ELMOD1: variants seen among roughly 807,000 people sequenced by gnomAD.
ELMOD1 encodes the protein ELMO domain-containing protein 1.
ELMOD1 carries 21 observed loss-of-function variants against 46.7 expected under a neutral mutation model. The observed-to-expected ratio is 0.45, with a 90% CI of 0.32 to 0.65. The LOEUF (loss-of-function observed/expected upper bound fraction) is 0.65. ELMOD1 is among the 30% of genes least tolerant of loss of function. The pLI is 0.04. For missense variants in ELMOD1, 348 were observed against 407.8 expected (o/e 0.85, Z 1.26); for synonymous variants, 122 against 138.2 (o/e 0.88, Z 0.82).
At chr11:107,631,698 T>C (rs1427908990) in intron 5 of ELMOD1, 21 bp downstream of exon 5, 3 of 1,346,096 alleles carry the variant, frequency 2.2e-6, no homozygotes, top group Non-Finnish European at 3.1e-6. Context: ...GTTTCTTATG[T>C]CAAAAATACA....
chr11:107,663,189 G>A (rs1866774213), intron 11 of ELMOD1, among the ~76,000 whole-genome samples: 1 of 152,144 alleles, frequency 6.6e-6, no homozygotes, highest in African/African-American at 2.4e-5. Context: ...TCCCGATTTG[G>A]GCCTTTTCTG....
intron 1 of ELMOD1, among the ~76,000 whole-genome samples, chr11:107,611,516 C>A (rs541295540): frequency 6.6e-6 from 1 of 151,944 alleles, no homozygotes; most frequent in East Asian, 1.9e-4. Context: ...CTGGCTAACA[C>A]GGTGAAACCT....
At position 107,650,328 on chromosome 11, in the gene ELMOD1, G is replaced by A. The variant is rs568688091; in HGVS notation, c.555-7G>A. The A allele has an allele frequency of 3.1e-5, 49 of 1,569,156 alleles. No homozygotes were observed. Among genetic ancestry groups the A allele is most frequent in the Middle Eastern group, 1.7e-4 (1 of 5,998 alleles). Reference sequence around the variant, plus strand: ...AGAGTTACGGTTTTCTTTCCCTCCCGCTGCAGGTATTTCGCGGAAAGGGAT... The same window carrying A: ...AGAGTTACGGTTTTCTTTCCCTCCCACTGCAGGTATTTCGCGGAAAGGGAT... On this transcript the variant is annotated splice_polypyrimidine_tract_variant and splice_region_variant and intron_variant, in intron 7 of 11. Transcript: ENST00000265840.
intron 6 of ELMOD1, among the ~76,000 whole-genome samples, chr11:107,642,604 C>T (rs1382665118): frequency 2.0e-5 from 3 of 152,066 alleles, no homozygotes; most frequent in South Asian, 2.1e-4. Flanking sequence ...CTCCCGACCT[C>T]GTGATCCACC....
At chr11:107,602,037 T>A (rs2135652792) in intron 1 of ELMOD1, among the ~76,000 whole-genome samples, 1 of 152,312 alleles carries the variant, frequency 6.6e-6, no homozygotes, top group East Asian at 1.9e-4. Context: ...CTTTGGAAGC[T>A]TCCAGAAAAG....
rs1002573908 is a variant in ELMOD1, at chr11:107,591,408, A to C, written c.-87A>C. The C allele has an allele frequency of 6.5e-6, 1 of 153,136 alleles. No homozygotes were observed. Among genetic ancestry groups the C allele is most frequent in the African/African-American group, 2.4e-5 (1 of 41,466 alleles). The allele number at this position is 153,136 out of a possible 1,614,324, so 9.5% of individuals were successfully genotyped here. A position where few individuals can be genotyped will look rare whatever the true frequency, so the allele number is the denominator to read the frequency against. ...GCTGAGCCTACCGCCGCCAGAGTCC[A>C]GGTGATTGGCGACCCCAGAGGAGCC... is the stretch of plus-strand genomic sequence containing the variant. On this transcript the variant is annotated splice_region_variant and 5_prime_UTR_variant, in exon 1 of 12. Transcript: ENST00000265840.
chr11:107,640,996 T>C (rs942993449), intron 6 of ELMOD1, among the ~76,000 whole-genome samples: 1 of 152,162 alleles, frequency 6.6e-6, no homozygotes, highest in African/African-American at 2.4e-5. Flanking sequence ...TCAGTCCTAT[T>C]TAATGCTGCC....
At chr11:107,605,229 C>A (rs183937608) in intron 1 of ELMOD1, among the ~76,000 whole-genome samples, 1 of 146,190 alleles carries the variant, frequency 6.8e-6, no homozygotes, top group Non-Finnish European at 1.5e-5. Context: ...GACAGGAGCT[C>A]CCTCCAGTGT....
chr11:107,620,822 C>T (rs1865934753), intron 2 of ELMOD1, among the ~76,000 whole-genome samples: 1 of 152,154 alleles, frequency 6.6e-6, no homozygotes, highest in Non-Finnish European at 1.5e-5. Context: ...CGAGATAATG[C>T]CACTGCATTC....
chr11:107,652,708 G>A (rs1866546430), intron 9 of ELMOD1, among the ~76,000 whole-genome samples: 1 of 152,064 alleles, frequency 6.6e-6, no homozygotes, highest in African/African-American at 2.4e-5. Flanking sequence ...CAGCTGTTTG[G>A]TTTGTTAGCC....
At chr11:107,612,584 T>C (rs1865798293) in intron 1 of ELMOD1, among the ~76,000 whole-genome samples, 1 of 152,202 alleles carries the variant, frequency 6.6e-6, no homozygotes, top group Admixed American at 6.6e-5. Flanking sequence ...CTGGTTTGGC[T>C]ATAGCAGAGG....
chr11:107,605,340 C>T (rs961640332), intron 1 of ELMOD1, among the ~76,000 whole-genome samples: 1 of 152,062 alleles, frequency 6.6e-6, no homozygotes, highest in African/African-American at 2.4e-5. Flanking sequence ...GCTGGGACTA[C>T]AGGCGCATGC....
chr11:107,630,787 A>C, intron 4 of ELMOD1, 59 bp downstream of exon 4: 1 of 1,529,850 alleles, frequency 6.5e-7, no homozygotes, highest in South Asian at 1.2e-5. Flanking sequence ...CTTTATCATA[A>C]GAAGTAAAAA....
chr11:107,655,159 C>CGG (rs78856516), intron 10 of ELMOD1, among the ~76,000 whole-genome samples: 12 of 151,910 alleles, frequency 7.9e-5, no homozygotes, highest in Non-Finnish European at 1.2e-4. Context: ...CCTTGCACAT[C>CGG]TGTGTATATA....
At chr11:107,654,288 A>G in intron 10 of ELMOD1, 66 bp downstream of exon 10, 1 of 1,363,558 alleles carries the variant, frequency 7.3e-7, no homozygotes, top group Non-Finnish European at 1.0e-6. Flanking sequence ...GAACTAGAGT[A>G]TCATGAAAGA....
intron 10 of ELMOD1, among the ~76,000 whole-genome samples, chr11:107,654,496 G>A (rs1296873232): frequency 4.6e-5 from 7 of 152,096 alleles, no homozygotes; most frequent in South Asian, 4.1e-4. Context: ...GGGGCCGGGC[G>A]CGGTGGCTCA....
At chr11:107,628,777 A>C (rs1168063926) in intron 2 of ELMOD1, among the ~76,000 whole-genome samples, 1 of 151,596 alleles carries the variant, frequency 6.6e-6, no homozygotes, top group Non-Finnish European at 1.5e-5. Flanking sequence ...TTTTTTAAAT[A>C]AAATAATACA....
At chr11:107,631,929 C>T (rs1866148495) in intron 5 of ELMOD1, among the ~76,000 whole-genome samples, 2 of 152,096 alleles carry the variant, frequency 1.3e-5, no homozygotes, top group South Asian at 2.1e-4. Flanking sequence ...TTGAGTGCCC[C>T]GATAGAGAAA....
In ELMOD1 at chr11:107,602,893, T is replaced by C. The variant is rs140402739; in HGVS notation, c.-86+11484T>C. ...TTGACCATCTTTCACAGTAGTCCAG[T>C]TGGGGGCTAATGCTTCTTTGGGGGA... On this transcript the variant is annotated intron_variant, in intron 1 of 11. Coordinates refer to ENST00000265840, the MANE Select transcript of ELMOD1 (RefSeq NM_018712.4). Among the ~76,000 whole-genome samples, 455 of 152,128 alleles carry C rather than the reference T, an allele frequency of 3.0e-3. 2 individuals carry two copies. The highest frequency in any genetic ancestry group is 0.01 in the African/African-American group (426 of 41,506).
Sources: gnomAD v4.1 joint callset for allele counts (sites outside exome capture counted in the v4.1 genomes callset) on GRCh38, gnomAD v4.1.1 for gene constraint, MANE v1.5 for transcripts, NCBI Gene and HGNC (gene_info 2026-07-23, HGNC 2026-07-21) for gene names.